LPIN2: variants seen among roughly 807,000 people sequenced by gnomAD.
LPIN2 encodes lipin 2, also known as phosphatidate phosphatase LPIN2.
LPIN2 carries 55 observed loss-of-function variants against 111.4 expected under a neutral mutation model. The observed-to-expected ratio is 0.49, with a 90% CI of 0.40 to 0.62. The LOEUF is 0.62. Ranked by LOEUF, LPIN2 falls within the 20% of genes least tolerant of loss-of-function variation. The pLI, the probability that LPIN2 is intolerant of heterozygous loss-of-function variation, is 0.00. For synonymous variants in LPIN2, 425 were observed against 414.0 expected (o/e 1.03, Z -0.32); for missense variants, 992 against 1,112.1 (o/e 0.89, Z 1.54).
rs1224779773 is a variant in LPIN2 at position 2,958,141 on chromosome 18, C to CAAAAAAAAAAAAAAAA, written c.192+2492_192+2507dup. On this transcript the variant is annotated intron_variant, in intron 2 of 19. Transcript: ENST00000677752. Reference sequence around the variant, plus strand: ...TGGGCGACAAAGCGAGACTCCATCTCAAAAAAAAAAAAAAAACAACAAAAA... The same window carrying CAAAAAAAAAAAAAAAA: ...TGGGCGACAAAGCGAGACTCCATCTCAAAAAAAAAAAAAAAAAAAAAAAAAAAAAAAACAACAAAAA... Among the ~76,000 whole-genome samples the CAAAAAAAAAAAAAAAA allele has an allele frequency of 3.6e-3, 43 of 11,938 alleles. 7 individuals carry two copies. Among genetic ancestry groups the CAAAAAAAAAAAAAAAA allele is most frequent in the East Asian group, 9.8e-3 (2 of 204 alleles). The allele number at this position is 11,938 out of a possible 152,430, so 7.8% of individuals were successfully genotyped here. A position where few individuals can be genotyped will look rare whatever the true frequency, so the allele number is the denominator to read the frequency against.
chr18:3,010,366 C>T (rs1221120053), intron 1 of LPIN2, among the ~76,000 whole-genome samples: 1 of 152,148 alleles, frequency 6.6e-6, no homozygotes, highest in Non-Finnish European at 1.5e-5. Context: ...GTTTTAAAGA[C>T]ACATTATACA....
chr18:2,960,862 A>G lies in LPIN2; in HGVS notation c.-9-13T>C. The G allele has an allele frequency of 1.2e-6, 2 of 1,605,490 alleles. No individual in the cohort carries two copies. The highest frequency in any genetic ancestry group is 1.7e-6 in the Non-Finnish European group (2 of 1,174,182). ...TCATGGTTTGAGACTACAAGAAACA[A>G]AAATTAGATGAGATGTTAACACTAA... is the stretch of plus-strand genomic sequence containing the variant. On this transcript the variant is annotated splice_polypyrimidine_tract_variant and intron_variant, in intron 1 of 19. Transcript: ENST00000677752.
At chr18:2,980,693 G>A (rs1363225052) in intron 1 of LPIN2, among the ~76,000 whole-genome samples, 1 of 152,220 alleles carries the variant, frequency 6.6e-6, no homozygotes, top group African/African-American at 2.4e-5. Flanking sequence ...CCCTGAAGCT[G>A]GTGAGGATGT....
At chr18:3,005,886 C>A (rs2143495271) in intron 1 of LPIN2, among the ~76,000 whole-genome samples, 1 of 152,264 alleles carries the variant, frequency 6.6e-6, no homozygotes, top group South Asian at 2.1e-4. Flanking sequence ...CAACAATAAT[C>A]ATAATGAAGT....
chr18:2,953,092 A>G (rs1454993469), intron 3 of LPIN2, among the ~76,000 whole-genome samples: 1 of 152,238 alleles, frequency 6.6e-6, no homozygotes, highest in Non-Finnish European at 1.5e-5. Flanking sequence ...GGATAAATTA[A>G]CAATTTTTTA....
intron 1 of LPIN2, among the ~76,000 whole-genome samples, chr18:3,001,624 C>A: frequency 6.6e-6 from 1 of 150,696 alleles, no homozygotes; most frequent in Non-Finnish European, 1.5e-5. Context: ...ATGAAAAAAA[C>A]AAGCTACAGT....
rs2076983343 is a variant in LPIN2, at chr18:2,917,251, A to C, written c.*3042T>G. 1 of 152,234 alleles carries C rather than the reference A, an allele frequency of 6.6e-6. No homozygotes were observed. The highest frequency in any genetic ancestry group is 1.5e-5 in the Non-Finnish European group (1 of 68,036). 9.4% of individuals were successfully genotyped at this position (152,234 alleles called of 1,614,324 possible). On this transcript the variant is annotated 3_prime_UTR_variant, in exon 20 of 20. Transcript: ENST00000677752. The stretch of plus-strand genomic sequence containing the variant: ...CCCCTCCCTTTCTTACTTTCAAACA[A>C]AACCAAAAGAGTAGTTTTCATCTGG...
intron 1 of LPIN2, among the ~76,000 whole-genome samples, chr18:2,983,082 C>T (rs1226865668): frequency 6.6e-6 from 1 of 152,214 alleles, no homozygotes; most frequent in African/African-American, 2.4e-5. Context: ...TTCCATCACA[C>T]AGGACAGGGA....
intron 9 of LPIN2, 106 bp downstream of exon 9, chr18:2,931,150 T>A (rs2077207448): frequency 7.7e-7 from 1 of 1,293,230 alleles, no homozygotes; most frequent in South Asian, 1.3e-5. Context: ...CTGCACAAGA[T>A]CCCTAAAGAA....
At chr18:2,936,074 G>A (rs925442407) in intron 7 of LPIN2, among the ~76,000 whole-genome samples, 2 of 152,152 alleles carry the variant, frequency 1.3e-5, no homozygotes, top group Non-Finnish European at 2.9e-5. Flanking sequence ...GCCACCATTC[G>A]CTAGATGGTT....
Position 2,925,823 on chromosome 18 carries a change from T to A in LPIN2, c.1794-455A>T, listed in dbSNP as rs151299792. Among the ~76,000 whole-genome samples the A allele has an allele frequency of 6.7e-6, 1 of 150,242 alleles. No homozygotes were observed. Among genetic ancestry groups the A allele is most frequent in the African/African-American group, 2.5e-5 (1 of 40,658 alleles). On this transcript the variant is annotated intron_variant, in intron 13 of 19. Transcript: ENST00000677752. This position sits in a 1 kb window ranked among gnomAD's most constrained non-coding sequence, Gnocchi z 4.1. Reference sequence around the variant, plus strand: ...GAGTTTGAGACCAGCCTGGGCAACATAGGGAGACCCAGTTTCTACGGAACA... The same window carrying A: ...GAGTTTGAGACCAGCCTGGGCAACAAAGGGAGACCCAGTTTCTACGGAACA...
At chr18:2,961,620 G>C (rs1434324884) in intron 1 of LPIN2, among the ~76,000 whole-genome samples, 3 of 152,146 alleles carry the variant, frequency 2.0e-5, no homozygotes, top group African/African-American at 7.2e-5. Flanking sequence ...AGGAAGTACA[G>C]CTAAAGCCAG....
chr18:2,929,008 G>A (rs1353430190), intron 10 of LPIN2, 57 bp downstream of exon 10: 1 of 1,095,396 alleles, frequency 9.1e-7, no homozygotes, highest in African/African-American at 1.5e-5. Flanking sequence ...AGTTAAAAAT[G>A]GCACTTGTAA....
chr18:2,928,727 T>A, intron 10 of LPIN2, 67 bp from the exon 11 acceptor site: 2 of 1,112,318 alleles, frequency 1.8e-6, no homozygotes, highest in Non-Finnish European at 2.7e-6. Flanking sequence ...GGGGAGGGAA[T>A]CAGGGAGGGA....
intron 1 of LPIN2, among the ~76,000 whole-genome samples, chr18:2,991,949 A>C (rs1784422243): frequency 6.6e-6 from 1 of 151,984 alleles, no homozygotes; most frequent in South Asian, 2.1e-4. Context: ...CAGAGGTTGC[A>C]GTGAGCTGAG....
At chr18:2,993,132 G>A (rs776827491) in intron 1 of LPIN2, among the ~76,000 whole-genome samples, 1 of 149,208 alleles carries the variant, frequency 6.7e-6, no homozygotes, top group East Asian at 1.9e-4. Flanking sequence ...GAAACAGAGC[G>A]AGACCCTGAC....
intron 3 of LPIN2, among the ~76,000 whole-genome samples, 188 bp downstream of exon 3, chr18:2,954,316 G>A (rs921755519): frequency 3.9e-5 from 6 of 152,196 alleles, no homozygotes; most frequent in African/African-American, 1.4e-4. Flanking sequence ...ACTTTGTATG[G>A]AGAAAAATTC....
intron 4 of LPIN2, among the ~76,000 whole-genome samples, chr18:2,944,476 T>G (rs1598550438): frequency 1.3e-5 from 2 of 150,600 alleles, no homozygotes; most frequent in Non-Finnish European, 3.0e-5. Flanking sequence ...CTCAGCCTCC[T>G]GAGTAGCTGG....
intron 1 of LPIN2, among the ~76,000 whole-genome samples, 153 bp downstream of exon 1, chr18:3,012,934 G>A (rs1598622851): frequency 6.6e-6 from 1 of 151,234 alleles, no homozygotes; most frequent in African/African-American, 2.4e-5. Flanking sequence ...GGACCGCGGC[G>A]CGAGGAGGGG....
Sources: allele counts gnomAD v4.1 joint callset (sites outside exome capture counted in the v4.1 genomes callset), GRCh38; gene constraint gnomAD v4.1.1; non-coding constraint Gnocchi (gnomAD v3.1); transcripts MANE v1.5; gene names NCBI Gene and HGNC (gene_info 2026-07-23, HGNC 2026-07-21).